The following RPL26L1 variants were observed in gnomAD, a reference collection of about 807,000 sequenced individuals.
RPL26L1 encodes ribosomal protein L26 like 1.
In RPL26L1, 8 loss-of-function variants were observed where a neutral mutation model predicts 15.2. The observed-to-expected ratio is 0.53, with a 90% CI of 0.31 to 0.95. The LOEUF is 0.95. RPL26L1 is among the 40% of genes least tolerant of loss of function. The pLI, the probability that RPL26L1 is intolerant of heterozygous loss-of-function variation, is 0.05. For synonymous variants in RPL26L1, 51 were observed against 65.9 expected (o/e 0.77, Z 1.09); for missense variants, 146 against 190.9 (o/e 0.76, Z 1.39).
chr5:172,964,291 T>C (rs1755365627), intron 2 of RPL26L1, among the ~76,000 whole-genome samples: 1 of 136,612 alleles, frequency 7.3e-6, no homozygotes, highest in South Asian at 2.4e-4. Flanking sequence ...CTTTTTTTTT[T>C]TTTTTTTTTT....
chr5:172,958,199 G>T (rs1328285049), upstream of RPL26L1: 2 of 371,120 alleles, frequency 5.4e-6, no homozygotes, highest in African/African-American at 2.1e-5. Context: ...GGGAGGCGGA[G>T]GTTGCGGTGA....
upstream of RPL26L1, chr5:172,954,752 G>C (rs1382559529): frequency 8.2e-6 from 3 of 364,200 alleles, no homozygotes; most frequent in Non-Finnish European, 1.6e-5. Flanking sequence ...CAGGGTCATT[G>C]TCGAATGTGT....
At chr5:172,956,938 G>GA (rs552172463), upstream of RPL26L1, 10,398 of 221,662 alleles carry the variant, frequency 0.047, 19 homozygotes, top group South Asian at 0.073. Flanking sequence ...ACTCTATCTC[G>GA]AAAAAAAAAA....
At chr5:172,954,554 G>T (rs1764311157), upstream of RPL26L1, among the ~76,000 whole-genome samples, 1 of 151,982 alleles carries the variant, frequency 6.6e-6, no homozygotes, top group East Asian at 1.9e-4. Flanking sequence ...CAGCCTGGGT[G>T]ACAGAGTGAA....
chr5:172,961,286 TC>T (rs1755226559), intron 2 of RPL26L1, among the ~76,000 whole-genome samples: 1 of 152,130 alleles, frequency 6.6e-6, no homozygotes, highest in African/African-American at 2.4e-5. Context: ...CCTGGATCCT[TC>T]CCATCAGACA....
At chr5:172,957,818 C>T (rs935019548), upstream of RPL26L1, 2 of 165,708 alleles carry the variant, frequency 1.2e-5, no homozygotes, top group African/African-American at 4.8e-5. Context: ...TTCTTGGAGC[C>T]TGGGCACACG....
chr5:172,958,722 AG>A (rs138499143), upstream of RPL26L1: 3,212 of 248,654 alleles, frequency 0.013, 40 homozygotes, highest in Non-Finnish European at 0.021. Flanking sequence ...GCAGTCTTCC[AG>A]GGGTCGGCGA....
In RPL26L1 at chr5:172,968,803, C is replaced by CTTTTTTTT. The variant is rs539398008; in HGVS notation, c.309+220_309+227dup. On this transcript the variant is annotated intron_variant, in intron 3 of 3. Transcript: ENST00000265100. ...TTGCCTTTCTTGGTGATGGCTGTGT[C>CTTTTTTTT]TTTTTTTTTTTTTTTTTTTTTTTGA... Among the ~76,000 whole-genome samples, 55 of 74,362 alleles carry CTTTTTTTT rather than the reference C, an allele frequency of 7.4e-4. 2 individuals carry two copies. Among genetic ancestry groups the CTTTTTTTT allele is most frequent in the East Asian group, 9.5e-4 (2 of 2,108 alleles). 48.8% of individuals were successfully genotyped at this position (74,362 alleles called of 152,430 possible).
chr5:172,957,097 G>A (rs879528331), upstream of RPL26L1: 1 of 437,890 alleles, frequency 2.3e-6, no homozygotes, highest in African/African-American at 2.0e-5. Flanking sequence ...CGATTTGGGT[G>A]CCAGGGCTCA....
At chr5:172,956,415 G>A (rs1220970038), upstream of RPL26L1, among the ~76,000 whole-genome samples, 3 of 152,052 alleles carry the variant, frequency 2.0e-5, no homozygotes, top group Admixed American at 2.0e-4. Context: ...TCCATCCTTT[G>A]TTCCCATCTC....
At position 172,959,467 on chromosome 5, in the gene RPL26L1, G is replaced by T; in HGVS notation, c.-11G>T. The T allele has an allele frequency of 9.8e-7, 1 of 1,015,498 alleles. No individual in the cohort carries two copies. Among genetic ancestry groups the T allele is most frequent in the Non-Finnish European group, 1.2e-6 (1 of 845,012 alleles). The allele number at this position is 1,015,498 out of a possible 1,614,324, so 62.9% of individuals were successfully genotyped here. On this transcript the variant is annotated splice_region_variant and 5_prime_UTR_variant, in exon 1 of 4. Coordinates refer to ENST00000265100, the MANE Select transcript of RPL26L1 (RefSeq NM_016093.4). ...TCAGGGTCTGAGGCAGCTAGTAGCC[G>T]GGTGAGTGGAGGCTGGAGTTTTCTC...
intron 2 of RPL26L1, 82 bp downstream of exon 2, chr5:172,960,123 C>T: frequency 6.6e-7 from 1 of 1,517,088 alleles, no homozygotes; most frequent in Non-Finnish European, 9.1e-7. Flanking sequence ...GACTCACATG[C>T]CTCAGGACTC....
rs752940057 is a variant in RPL26L1 at position 172,959,856 on chromosome 5, C to A, written c.-9-9C>A. 6 of 1,613,932 alleles carry A rather than the reference C, an allele frequency of 3.7e-6. No individual in the cohort carries two copies. Among genetic ancestry groups the A allele is most frequent in the South Asian group, 1.1e-5 (1 of 91,062 alleles). On this transcript the variant is annotated splice_polypyrimidine_tract_variant and intron_variant, in intron 1 of 3. Coordinates refer to ENST00000265100, the MANE Select transcript of RPL26L1 (RefSeq NM_016093.4). ...GCCCCTTCATTCCGTCTCTCTCCGC[C>A]CTTTGTAGAGGGTCACCATGAAGTT...
upstream of RPL26L1, chr5:172,958,565 C>CCT (rs1561753478): frequency 6.2e-5 from 23 of 370,778 alleles, no homozygotes; most frequent in African/African-American, 4.6e-4. Flanking sequence ...AGCCCTTTTC[C>CCT]TTCCCTGCCG....
upstream of RPL26L1, chr5:172,959,347 C>T: frequency 1.0e-6 from 1 of 1,001,946 alleles, no homozygotes; most frequent in Non-Finnish European, 1.2e-6. Flanking sequence ...CCCCAAGCCG[C>T]TGGGGGCGCC....
chr5:172,954,755 G>A (rs193112026), upstream of RPL26L1: 222 of 363,528 alleles, frequency 6.1e-4, no homozygotes, highest in African/African-American at 4.2e-3. Flanking sequence ...GGTCATTGTC[G>A]AATGTGTTTT....
chr5:172,964,095 G>A (rs1471128269), intron 2 of RPL26L1, among the ~76,000 whole-genome samples: 1 of 124,858 alleles, frequency 8.0e-6, no homozygotes, highest in Admixed American at 9.2e-5. Context: ...AGAGGGAGAA[G>A]GAGCTGCTGT....
At chr5:172,959,718 C>CT in intron 1 of RPL26L1, 147 bp from the exon 2 acceptor site, 1 of 1,115,794 alleles carries the variant, frequency 9.0e-7, no homozygotes, top group Non-Finnish European at 1.3e-6. Context: ...AGACTAGTCG[C>CT]ATCTCTCTGT....
intron 2 of RPL26L1, 70 bp downstream of exon 2, chr5:172,960,111 CAG>C: frequency 6.4e-7 from 1 of 1,568,326 alleles, no homozygotes; most frequent in Non-Finnish European, 8.8e-7. Flanking sequence ...GGAGCAGTCA[CAG>C]ACTCACATGC....
Sources: allele counts gnomAD v4.1 joint callset (sites outside exome capture counted in the v4.1 genomes callset), GRCh38; gene constraint gnomAD v4.1.1; transcripts MANE v1.5; gene names NCBI Gene and HGNC (gene_info 2026-07-23, HGNC 2026-07-21).